The following ELF1 variants were observed in gnomAD, a reference collection of about 807,000 sequenced individuals.
ELF1 encodes E74 like ETS transcription factor 1.
A neutral mutation model predicts 59.9 loss-of-function variants in ELF1; 24 were observed. That is an observed-to-expected ratio of 0.40 (90% CI 0.29 to 0.56). The LOEUF (loss-of-function observed/expected upper bound fraction) is 0.56, where lower values mean the gene tolerates loss of function less well. Ranked by LOEUF, ELF1 falls within the 20% of genes least tolerant of loss-of-function variation. The pLI is 0.44. For synonymous variants in ELF1, 248 were observed against 266.2 expected (o/e 0.93, Z 0.67); for missense variants, 627 against 742.2 (o/e 0.84, Z 1.80).
At chr13:40,987,860 T>C (rs1469582824) in intron 1 of ELF1, among the ~76,000 whole-genome samples, 1 of 152,164 alleles carries the variant, frequency 6.6e-6, no homozygotes, top group Admixed American at 6.5e-5. Context: ...CAAGATGTGG[T>C]AACCTAATAA....
rs1869521088 is a variant in ELF1, at chr13:40,933,139, A to G, written c.*286T>C. The G allele has an allele frequency of 3.3e-6, 1 of 300,316 alleles. No homozygotes were observed. The highest frequency in any genetic ancestry group is 6.0e-6 in the Non-Finnish European group (1 of 165,546). 18.6% of individuals were successfully genotyped at this position (300,316 alleles called of 1,614,324 possible). ...ATCTAATACAATGTAAAATTAGAAAAGAAACTTTAAAAATGCTTATGATAT... is the reference window on the plus strand; with the variant it reads ...ATCTAATACAATGTAAAATTAGAAAGGAAACTTTAAAAATGCTTATGATAT... On this transcript the variant is annotated 3_prime_UTR_variant, in exon 9 of 9. Transcript: ENST00000239882.
At position 40,932,676 on chromosome 13, in the gene ELF1, A is replaced by G. The variant is rs953500404; in HGVS notation, c.*749T>C. 1 of 152,268 alleles carries G rather than the reference A, an allele frequency of 6.6e-6. No individual in the cohort carries two copies. The highest frequency in any genetic ancestry group is 1.5e-5 in the Non-Finnish European group (1 of 68,048). 9.4% of individuals were successfully genotyped at this position (152,268 alleles called of 1,614,324 possible). A position where few individuals can be genotyped will look rare whatever the true frequency, so the allele number is the denominator to read the frequency against. On this transcript the variant is annotated 3_prime_UTR_variant, in exon 9 of 9. Transcript: ENST00000239882. ...ATAACCTGATAATGATTTAATTGAC[A>G]TAACTTGAAAATATAGGTATTAGAA...
chr13:40,940,875 C>G, intron 8 of ELF1, 46 bp downstream of exon 8: 1 of 1,537,712 alleles, frequency 6.5e-7, no homozygotes, highest in Non-Finnish European at 8.8e-7. Context: ...TGTCTCTGGT[C>G]AGAAACATAT....
intron 1 of ELF1, among the ~76,000 whole-genome samples, chr13:41,047,660 C>T (rs1370723673): frequency 1.3e-5 from 2 of 152,196 alleles, no homozygotes; most frequent in Non-Finnish European, 2.9e-5. Flanking sequence ...AGAGGGGTAC[C>T]TGGCCGTGTG....
chr13:41,048,871 C>A (rs1876969390), intron 1 of ELF1, among the ~76,000 whole-genome samples: 1 of 152,028 alleles, frequency 6.6e-6, no homozygotes, highest in Non-Finnish European at 1.5e-5. Flanking sequence ...ATACTGTCCT[C>A]ACCTACTCAT....
intron 2 of ELF1, among the ~76,000 whole-genome samples, chr13:40,975,122 G>A (rs1251518909): frequency 1.3e-5 from 2 of 152,172 alleles, no homozygotes; most frequent in Non-Finnish European, 2.9e-5. Context: ...AATAACAGAG[G>A]ATCCACTAAG....
upstream of ELF1, among the ~76,000 whole-genome samples, chr13:41,019,528 A>C (rs1292047008): frequency 6.6e-6 from 1 of 152,212 alleles, no homozygotes; most frequent in Non-Finnish European, 1.5e-5. Context: ...TAATTGCCAT[A>C]ATTTAAAACT....
Position 41,005,357 on chromosome 13 carries a change from C to T in ELF1, c.-229+13871G>A, listed in dbSNP as rs115397716. On this transcript the variant is annotated intron_variant, in intron 1 of 8. Transcript: ENST00000239882. ...AAAACCAAGTGTCTAAACAACAGAA[C>T]AGGCCCTCAAACTATTTTACCCAAC... Among the ~76,000 whole-genome samples, 805 of 148,764 alleles carry T rather than the reference C, an allele frequency of 5.4e-3. 11 individuals carry two copies. The highest frequency in any genetic ancestry group is 0.019 in the African/African-American group (751 of 40,412).
rs578158980 is a variant in ELF1, at chr13:41,005,480, A to C, written c.-229+13748T>G. On this transcript the variant is annotated intron_variant, in intron 1 of 8. Transcript: ENST00000239882. ...AAAAAAAAAAAAAAAACCTACCACA[A>C]AAAAAAAACAACCTTTAAGCAACTG... is the stretch of plus-strand genomic sequence containing the variant. 8.6e-5 allele frequency among the ~76,000 whole-genome samples: 13 copies of C among 150,394 alleles called. No individual in the cohort carries two copies. In the South Asian group the frequency reaches 2.7e-3, roughly 32 times the overall value.
At chr13:41,005,535 CATCTTTG>C (rs1471704452) in intron 1 of ELF1, among the ~76,000 whole-genome samples, 1 of 151,212 alleles carries the variant, frequency 6.6e-6, no homozygotes, top group East Asian at 1.9e-4. Context: ...TGATAACTTG[CATCTTTG>C]ATCTTTGGTC....
chr13:40,970,848 A>G (rs1334649241), intron 2 of ELF1, among the ~76,000 whole-genome samples: 1 of 152,212 alleles, frequency 6.6e-6, no homozygotes, highest in Non-Finnish European at 1.5e-5. Flanking sequence ...CGCTGTGTAA[A>G]AAGTGTTCTC....
Position 40,941,301 on chromosome 13 carries a change from C to A in ELF1, c.876G>T (p.Met292Ile), listed in dbSNP as rs1870159107. Residue 292 changes from methionine to isoleucine, a missense_variant, in exon 8 of 9, where the codon ATG becomes ATT. By Grantham distance (10) the Met-to-Ile change is conservative. This residue lies in a region of ELF1 where 361 missense variants were observed against 396.1 expected (regional missense o/e 0.91). Coordinates refer to ENST00000239882, the MANE Select transcript of ELF1 (RefSeq NM_172373.4). ...GQRLVYQFKE[M>I]PKDLIYINDE... ...CATTTATATATATAAGATCTTTTGG[C>A]ATTTCTTTAAACTGATACACCAAGC... 1.2e-6 allele frequency: 2 copies of A among 1,613,732 alleles called. No homozygotes were observed. The highest frequency in any genetic ancestry group is 1.3e-5 in the African/African-American group (1 of 74,848).
intron 1 of ELF1, among the ~76,000 whole-genome samples, chr13:40,988,705 A>C (rs1873682822): frequency 6.6e-6 from 1 of 152,240 alleles, no homozygotes; most frequent in African/African-American, 2.4e-5. Context: ...TAAAAAGTAA[A>C]AAGGAAACAT....
intron 1 of ELF1, among the ~76,000 whole-genome samples, chr13:40,998,239 T>C (rs940787149): frequency 1.3e-5 from 2 of 152,214 alleles, no homozygotes; most frequent in African/African-American, 4.8e-5. Flanking sequence ...ATACAGTCAT[T>C]TGCCACATAA....
At chr13:41,017,891 C>A (rs966723039) in intron 1 of ELF1, among the ~76,000 whole-genome samples, 26 of 152,126 alleles carry the variant, frequency 1.7e-4, no homozygotes, top group Non-Finnish European at 3.4e-4. Flanking sequence ...ACTAAACCAG[C>A]AATATGCAAA....
Position 40,941,321 on chromosome 13 carries a change from C to T in ELF1, c.856G>A (p.Val286Met). The part of the protein sequence containing the change: ...ILAKVEGQRL[V>M]YQFKEMPKDL... The stretch of plus-strand genomic sequence containing the variant: ...TTTGGCATTTCTTTAAACTGATACA[C>T]CAAGCGCTGACCTTCCACTTTTGCC... The change falls in exon 8 of 9, where the codon GTG (valine) becomes ATG (methionine). Residue 286 changes from valine (V) to methionine (M), a missense_variant. Coordinates refer to ENST00000239882, the MANE Select transcript of ELF1 (RefSeq NM_172373.4). The T allele has an allele frequency of 3.1e-6, 5 of 1,612,670 alleles. No homozygotes were observed. Among genetic ancestry groups the T allele is most frequent in the Non-Finnish European group, 4.2e-6 (5 of 1,179,722 alleles).
intron 1 of ELF1, among the ~76,000 whole-genome samples, chr13:40,997,573 T>G (rs1874194965): frequency 6.6e-6 from 1 of 151,700 alleles, no homozygotes; most frequent in African/African-American, 2.4e-5. Flanking sequence ...TTCTTTTTTT[T>G]TAAGAGATGG....
chr13:40,941,651 G>C (rs1298174259), intron 7 of ELF1, among the ~76,000 whole-genome samples: 5 of 152,040 alleles, frequency 3.3e-5, no homozygotes, highest in Admixed American at 3.3e-4. Context: ...TCCTCTTTCT[G>C]CTAACTTATT....
intron 1 of ELF1, among the ~76,000 whole-genome samples, chr13:41,056,893 GA>G (rs1877304838): frequency 6.6e-6 from 1 of 152,034 alleles, no homozygotes; most frequent in Non-Finnish European, 1.5e-5. Context: ...CCAGGCAAAG[GA>G]AAAAGGCAAG....
Sources: gnomAD v4.1 joint callset for allele counts (sites outside exome capture counted in the v4.1 genomes callset) on GRCh38, gnomAD v4.1.1 for gene constraint, gnomAD v4.1.1 regional missense constraint, MANE v1.5 for transcripts, NCBI Gene and HGNC (gene_info 2026-07-23, HGNC 2026-07-21) for gene names.